Variants in CADPS2 observed in about 807,000 individuals in gnomAD.
CADPS2 encodes the protein calcium dependent secretion activator 2.
In CADPS2, 93 loss-of-function variants were observed where a neutral mutation model predicts 172.5. The observed-to-expected ratio is 0.54, with a 90% CI of 0.46 to 0.64. The LOEUF is 0.64. Ranked by LOEUF, CADPS2 falls within the 30% of genes least tolerant of loss-of-function variation. The probability of loss-of-function intolerance (pLI) is 0.00; values close to 1 mark genes in which losing one functional copy is unlikely to be tolerated. For missense variants in CADPS2, 1,420 were observed against 1,565.9 expected, an observed-to-expected ratio of 0.91 and a Z score of 1.57; for synonymous variants, 546 against 555.2, an observed-to-expected ratio of 0.98 and a Z score of 0.23.
intron 8 of CADPS2, among the ~76,000 whole-genome samples, chr7:122,524,715 G>A (rs1480644541): frequency 1.3e-5 from 2 of 152,142 alleles, no homozygotes; most frequent in African/African-American, 4.8e-5. Flanking sequence ...AAATTAACTG[G>A]ACTAGATTAC....
intron 17 of CADPS2, among the ~76,000 whole-genome samples, chr7:122,431,401 G>C (rs1054319980): frequency 2.6e-5 from 4 of 152,092 alleles, no homozygotes; most frequent in Non-Finnish European, 5.9e-5. Context: ...CGCTGTGGAA[G>C]AAAATAAAGC....
chr7:122,601,770 T>C (rs954641499), intron 6 of CADPS2, among the ~76,000 whole-genome samples: 3 of 152,008 alleles, frequency 2.0e-5, no homozygotes, highest in Non-Finnish European at 4.4e-5. Context: ...ATTGCTGTTA[T>C]CATCCAGGTC....
chr7:122,329,003 A>C (rs1380208638), intron 28 of CADPS2, among the ~76,000 whole-genome samples: 1 of 152,196 alleles, frequency 6.6e-6, no homozygotes, highest in Non-Finnish European at 1.5e-5. Flanking sequence ...GGTATTGACA[A>C]TGAAAGAGTG....
intron 1 of CADPS2, among the ~76,000 whole-genome samples, chr7:122,778,298 A>C (rs1169278913): frequency 6.6e-6 from 1 of 152,172 alleles, no homozygotes; most frequent in Non-Finnish European, 1.5e-5. Flanking sequence ...GGTGGAAGAA[A>C]TCTCTAAGTA....
intron 29 of CADPS2, 62 bp from the exon 30 acceptor site, chr7:122,320,400 T>C: frequency 1.6e-6 from 2 of 1,288,018 alleles, no homozygotes; most frequent in African/African-American, 1.5e-5. Context: ...CATAGATATA[T>C]ACTCAGTTGG....
chr7:122,382,997 G>A (rs768601197), intron 24 of CADPS2, among the ~76,000 whole-genome samples: 22 of 151,854 alleles, frequency 1.4e-4, no homozygotes, highest in African/African-American at 4.8e-4. Context: ...CCAAACAAAC[G>A]AAAACAAAAA....
At chr7:122,479,164 C>T (rs188242164) in intron 12 of CADPS2, among the ~76,000 whole-genome samples, 1 of 152,198 alleles carries the variant, frequency 6.6e-6, no homozygotes, top group Admixed American at 6.5e-5. Context: ...TAAAAGGGTG[C>T]TGCCAGCCAA....
chr7:122,861,263 T>C (rs939421393), intron 1 of CADPS2, among the ~76,000 whole-genome samples: 1 of 152,188 alleles, frequency 6.6e-6, no homozygotes, highest in Non-Finnish European at 1.5e-5. Flanking sequence ...TTCCCAGCAT[T>C]TGTTGTCTTT....
At chr7:122,544,235 G>A (rs569987122) in intron 8 of CADPS2, among the ~76,000 whole-genome samples, 1 of 152,200 alleles carries the variant, frequency 6.6e-6, no homozygotes, top group African/African-American at 2.4e-5. Flanking sequence ...GCCATATTGT[G>A]CAGGAAAGAT....
intron 1 of CADPS2, among the ~76,000 whole-genome samples, chr7:122,767,003 C>T (rs978039807): frequency 3.9e-5 from 6 of 152,060 alleles, no homozygotes; most frequent in Admixed American, 2.0e-4. Context: ...AAATGTAAAA[C>T]ACATGTCTAG....
At chr7:122,597,408 TC>T (rs1415591048) in intron 6 of CADPS2, among the ~76,000 whole-genome samples, 4 of 152,040 alleles carry the variant, frequency 2.6e-5, no homozygotes, top group Non-Finnish European at 5.9e-5. Flanking sequence ...AATGTATGTG[TC>T]CCCCTACAGT....
chr7:122,511,743 C>T (rs556369679), intron 9 of CADPS2, among the ~76,000 whole-genome samples: 3 of 152,094 alleles, frequency 2.0e-5, no homozygotes, highest in Non-Finnish European at 2.9e-5. Context: ...CAGTTGAATG[C>T]TTTAGAAAAA....
At chr7:122,874,310 G>T (rs559233398) in intron 1 of CADPS2, among the ~76,000 whole-genome samples, 163 of 152,132 alleles carry the variant, frequency 1.1e-3, no homozygotes, top group African/African-American at 3.7e-3. Flanking sequence ...AAAACATCTA[G>T]GAATACAACT....
intron 7 of CADPS2, among the ~76,000 whole-genome samples, chr7:122,573,110 CAAT>C (rs1462420549): frequency 6.6e-6 from 1 of 152,138 alleles, no homozygotes; most frequent in African/African-American, 2.4e-5. Flanking sequence ...ACATTTGTGT[CAAT>C]GATGCTATTT....
At chr7:122,699,571 T>C (rs1024599823) in intron 2 of CADPS2, among the ~76,000 whole-genome samples, 9 of 152,172 alleles carry the variant, frequency 5.9e-5, no homozygotes, top group Admixed American at 5.9e-4. Context: ...ACATAAACCA[T>C]TATATTGCAT....
chr7:122,488,011 T>G (rs1323727473), intron 11 of CADPS2, among the ~76,000 whole-genome samples: 1 of 152,182 alleles, frequency 6.6e-6, no homozygotes, highest in East Asian at 1.9e-4. Flanking sequence ...AATGCAAATT[T>G]GCAAAATGAA....
intron 3 of CADPS2, among the ~76,000 whole-genome samples, chr7:122,637,188 T>C (rs1466107698): frequency 2.0e-5 from 2 of 99,978 alleles, no homozygotes; most frequent in South Asian, 3.4e-4. Flanking sequence ...TTTTTTTTTT[T>C]TTTTTTTTTT....
Position 122,621,523 on chromosome 7 carries a change from A to C in CADPS2, c.1062T>G (p.Ile354Met). Residue 354 changes from isoleucine to methionine, a missense_variant, in exon 5 of 30, where the codon ATT (isoleucine) becomes ATG (methionine). By Grantham distance (10) the Ile-to-Met change is conservative (BLOSUM62 1). Transcript: ENST00000449022. ...GTACCACGTCGGACTTTGACAGCTG[A>C]ATCTCATTCTCATCTCCTATGTCCA... ...AFLDIGDENEIQLSKSDVVLS... is the reference protein window; with the variant it reads ...AFLDIGDENEMQLSKSDVVLS... The C allele has an allele frequency of 3.2e-6, 5 of 1,559,796 alleles. No individual in the cohort carries two copies. The highest frequency in any genetic ancestry group is 4.4e-6 in the Non-Finnish European group (5 of 1,130,670).
At chr7:122,527,762 T>G (rs931069979) in intron 8 of CADPS2, among the ~76,000 whole-genome samples, 17 of 151,948 alleles carry the variant, frequency 1.1e-4, no homozygotes, top group Non-Finnish European at 1.5e-5. Flanking sequence ...CATGAGAAGA[T>G]CTTGCCCATG....
Sources: gnomAD v4.1 joint callset for allele counts (sites outside exome capture counted in the v4.1 genomes callset) on GRCh38, gnomAD v4.1.1 for gene constraint, MANE v1.5 for transcripts, NCBI Gene and HGNC (gene_info 2026-07-23, HGNC 2026-07-21) for gene names.